ARSL: variants seen among roughly 807,000 people sequenced by gnomAD.
The protein encoded by ARSL is arylsulfatase E (chondrodysplasia punctata 1).
In ARSL, 4 loss-of-function variants were observed where a neutral mutation model predicts 31.1. The observed-to-expected ratio is 0.13, with a 90% CI of 0.06 to 0.29. ARSL has a LOEUF of 0.29. ARSL is among the 10% of genes least tolerant of loss of function. The probability of loss-of-function intolerance (pLI) is 1.00; values close to 1 mark genes in which losing one functional copy is unlikely to be tolerated. For missense variants in ARSL, 312 were observed against 497.8 expected (o/e 0.63, Z 3.55); for synonymous variants, 198 against 209.9 (o/e 0.94, Z 0.49).
chrX:2,959,547 C>T (rs1427803173), intron 2 of ARSL: 9 of 1,115,773 alleles, frequency 8.1e-6, no homozygotes, highest in Non-Finnish European at 9.4e-6. Context: ...GTAGGGGAAA[C>T]CCTGATTTTC....
chrX:2,941,340 C>T (rs185887935), intron 8 of ARSL, among the ~76,000 whole-genome samples: 56 of 107,321 alleles, frequency 5.2e-4, no homozygotes, highest in African/African-American at 1.7e-3. Context: ...CTGCAACCTC[C>T]GCCTCCCAGG....
upstream of ARSL, among the ~76,000 whole-genome samples, chrX:2,965,617 C>T (rs780039062): frequency 6.4e-5 from 7 of 109,948 alleles, no homozygotes; most frequent in South Asian, 3.9e-4. Context: ...ATAGAAAAGA[C>T]GGGCTGGGCA....
At position 2,949,430 on chromosome X, in the gene ARSL, A is replaced by G. The variant is rs779527848; in HGVS notation, c.728T>C (p.Phe243Ser). The G allele has an allele frequency of 1.4e-4, 172 of 1,208,795 alleles. No individual in the cohort carries two copies. The highest frequency in any genetic ancestry group is 1.9e-4 in the Non-Finnish European group (170 of 895,028). The change falls in exon 6 of 11, where the codon TTT (phenylalanine) becomes TCT (serine). Residue 243 changes from phenylalanine to serine, a missense_variant. By Grantham distance (155) the Phe-to-Ser change is radical (BLOSUM62 -2). Coordinates refer to ENST00000381134, the MANE Select transcript of ARSL (RefSeq NM_000047.3). ...GGCATGGACAATCAGAGCACCCACA[A>G]AATAGGAGCTTGCGAGGAGGAGGAC... ...SAVLLLASSY[F>S]VGALIVHADC... is the part of the protein sequence containing the mutation.
intron 8 of ARSL, among the ~76,000 whole-genome samples, chrX:2,939,722 T>G (rs1327528325): frequency 1.8e-5 from 2 of 110,825 alleles, no homozygotes; most frequent in African/African-American, 6.6e-5. Flanking sequence ...GAAGACAAAA[T>G]GTGTAAGCAC....
chrX:2,944,911 AAGAAAGAAGAC>A (rs2089351466), intron 7 of ARSL, among the ~76,000 whole-genome samples: 2 of 110,876 alleles, frequency 1.8e-5, no homozygotes, highest in Non-Finnish European at 3.8e-5. Context: ...GGAAAAAAAG[AAGAAAGAAGAC>A]AGAAAGAAGA....
In ARSL at chrX:2,960,268, CAAAAAAAAAAA is replaced by C. The variant is rs776807952; in HGVS notation, c.23+99_23+109del. The stretch of plus-strand genomic sequence containing the variant: ...TGGGCGACAGAGTGAGACTCCGTCT[CAAAAAAAAAAA>C]AAAAAAAAAAAAAAAGAAGAGAAAG... On this transcript the variant is annotated intron_variant, in intron 2 of 10. Transcript: ENST00000381134. 298 of 127,528 alleles carry C rather than the reference CAAAAAAAAAAA, an allele frequency of 2.3e-3. No individual in the cohort carries two copies. In the East Asian group the frequency reaches 0.035, roughly 15 times the overall value. The allele number at this position is 127,528 out of a possible 1,213,427, so 10.5% of individuals were successfully genotyped here.
chrX:2,960,990 G>A (rs774384323), intron 1 of ARSL, among the ~76,000 whole-genome samples: 25 of 110,059 alleles, frequency 2.3e-4, no homozygotes, highest in Non-Finnish European at 4.5e-4. Flanking sequence ...AGGCGGAAGT[G>A]GGAGGATTTG....
rs548642566 is a variant in ARSL at position 2,949,189 on chromosome X, C to G, written c.854+115G>C. The G allele has an allele frequency of 5.0e-6, 5 of 1,000,716 alleles. No homozygotes were observed. In the African/African-American group the frequency reaches 9.4e-5, roughly 19 times the overall value. The allele number at this position is 1,000,716 out of a possible 1,213,427, so 82.5% of individuals were successfully genotyped here. A position where few individuals can be genotyped will look rare whatever the true frequency, so the allele number is the denominator to read the frequency against. ...CAGGCGATCCTCCCACCTCAGCCTCCAAAAGCACTGGGATTACAGGAATGA... is the reference window on the plus strand; with the variant it reads ...CAGGCGATCCTCCCACCTCAGCCTCGAAAAGCACTGGGATTACAGGAATGA... On this transcript the variant is annotated intron_variant, in intron 6 of 10. Coordinates refer to ENST00000381134, the MANE Select transcript of ARSL (RefSeq NM_000047.3).
chrX:2,958,454 T>C lies in ARSL; in HGVS notation c.24-19A>G. The stretch of plus-strand genomic sequence containing the variant: ...ACACAAACTGTCAGAGACTGCGTCA[T>C]GCTCCTGTCCATCTCATTTGCAGAA... On this transcript the variant is annotated intron_variant, in intron 2 of 10. Transcript: ENST00000381134. The C allele has an allele frequency of 1.7e-6, 2 of 1,209,910 alleles. No homozygotes were observed. The highest frequency in any genetic ancestry group is 1.1e-6 in the Non-Finnish European group (1 of 895,013).
intron 10 of ARSL, among the ~76,000 whole-genome samples, chrX:2,935,583 T>G (rs780846097): frequency 7.1e-5 from 8 of 112,158 alleles, no homozygotes; most frequent in Non-Finnish European, 1.3e-4. Context: ...TTTGGCGTGA[T>G]GAAAATGTTC....
chrX:2,961,748 A>C (rs886307412), intron 1 of ARSL, among the ~76,000 whole-genome samples: 2 of 111,519 alleles, frequency 1.8e-5, no homozygotes, highest in African/African-American at 6.5e-5. Context: ...TGAATAGGAA[A>C]CAATTGTCAT....
intron 7 of ARSL, among the ~76,000 whole-genome samples, chrX:2,945,502 T>C (rs145805175): frequency 0.018 from 2,060 of 111,988 alleles, 37 homozygotes; most frequent in African/African-American, 0.063. Context: ...CACTTGGGAA[T>C]TCAGACGTGG....
At chrX:2,968,208 G>A, upstream of ARSL, 1 of 1,149,419 alleles carries the variant, frequency 8.7e-7, no homozygotes, top group Non-Finnish European at 1.2e-6. Flanking sequence ...CTGCTCCTTG[G>A]AAGAAACGTC....
At chrX:2,959,572 C>T (rs2089574336) in intron 2 of ARSL, 3 of 1,130,692 alleles carry the variant, frequency 2.7e-6, no homozygotes, top group South Asian at 2.1e-5. Context: ...GAAAACCAGA[C>T]ACCTGGCCGA....
chrX:2,951,717 C>T (rs963749389), intron 5 of ARSL, among the ~76,000 whole-genome samples: 2 of 105,178 alleles, frequency 1.9e-5, no homozygotes, highest in Non-Finnish European at 3.9e-5. Flanking sequence ...GGGAGGATCA[C>T]TTGAGTCTGG....
chrX:2,948,817 C>G (rs886175082), intron 6 of ARSL, among the ~76,000 whole-genome samples: 5 of 110,807 alleles, frequency 4.5e-5, no homozygotes, highest in African/African-American at 9.9e-5. Flanking sequence ...TTAATGGACA[C>G]AAGGCAAGTC....
chrX:2,961,651 C>T (rs2089636065), intron 1 of ARSL, among the ~76,000 whole-genome samples: 1 of 111,866 alleles, frequency 8.9e-6, no homozygotes, highest in African/African-American at 3.2e-5. Context: ...TAAAGAATCT[C>T]TATTCACATA....
At chrX:2,946,505 ATTTTTTTTTTTTT>A (rs139364080) in intron 6 of ARSL, among the ~76,000 whole-genome samples, 9 of 45,514 alleles carry the variant, frequency 2.0e-4, no homozygotes, top group Non-Finnish European at 3.6e-4. Flanking sequence ...GGCCCAGCTA[ATTTTTTTTTTTTT>A]TTTTTTTTTT....
At chrX:2,960,326 G>T in intron 2 of ARSL, 52 bp downstream of exon 2, 29 of 433,413 alleles carry the variant, frequency 6.7e-5, no homozygotes, top group Non-Finnish European at 1.1e-4. Context: ...GGAAGAGAAA[G>T]AAAGAAAGAA....
Sources: gnomAD v4.1 joint callset for allele counts (sites outside exome capture counted in the v4.1 genomes callset) on GRCh38, gnomAD v4.1.1 for gene constraint, MANE v1.5 for transcripts, NCBI Gene and HGNC (gene_info 2026-07-23, HGNC 2026-07-21) for gene names.